LYPD6B: variants seen among roughly 807,000 people sequenced by gnomAD.
LYPD6B encodes LY6/PLAUR domain containing 6B.
Under a neutral mutation model 22.8 loss-of-function variants are expected in LYPD6B, and 17 were observed. The ratio of observed to expected loss-of-function variants is 0.75; its 90% CI spans 0.51 to 1.12. The LOEUF is 1.12. LYPD6B is among the 50% of genes most tolerant of loss of function. The pLI, the probability that LYPD6B is intolerant of heterozygous loss-of-function variation, is 0.00. For synonymous variants in LYPD6B, 106 were observed against 91.6 expected, an observed-to-expected ratio of 1.16 and a Z score of -0.90; for missense variants, 221 against 258.3, an observed-to-expected ratio of 0.86 and a Z score of 0.99.
intron 1 of LYPD6B, among the ~76,000 whole-genome samples, chr2:149,053,900 A>G (rs947012247): frequency 1.3e-5 from 2 of 152,106 alleles, no homozygotes; most frequent in Non-Finnish European, 2.9e-5. Context: ...TTTGAGGTTC[A>G]TAATGGTTTC....
At position 149,214,776 on chromosome 2, in the gene LYPD6B, T is replaced by G. The variant is rs981073122; in HGVS notation, c.*66T>G. On this transcript the variant is annotated 3_prime_UTR_variant, in exon 7 of 7. Coordinates refer to ENST00000409642, the MANE Select transcript of LYPD6B (RefSeq NM_177964.5). Reference sequence around the variant, plus strand: ...CACAAGCCAAAAACTGTGTGAACGGTGAACTTTGGAGTGAAGATCAATCTT... The same window carrying G: ...CACAAGCCAAAAACTGTGTGAACGGGGAACTTTGGAGTGAAGATCAATCTT... 6 of 1,535,668 alleles carry G rather than the reference T, an allele frequency of 3.9e-6. 1 individual carries two copies. Among genetic ancestry groups the G allele is most frequent in the Non-Finnish European group, 5.4e-6 (6 of 1,111,778 alleles).
At chr2:149,117,836 A>G (rs1329543368) in intron 1 of LYPD6B, among the ~76,000 whole-genome samples, 1 of 152,196 alleles carries the variant, frequency 6.6e-6, no homozygotes, top group African/African-American at 2.4e-5. Flanking sequence ...ATCATTTATT[A>G]TCTTTCATGG....
intron 1 of LYPD6B, among the ~76,000 whole-genome samples, chr2:149,130,540 A>ATTAGGCC (rs1489959056): frequency 7.2e-5 from 11 of 152,178 alleles, no homozygotes; most frequent in African/African-American, 2.7e-4. Flanking sequence ...AAAAGAGGGT[A>ATTAGGCC]TTAGGCCTTG....
At chr2:149,062,144 C>T (rs1020181915) in intron 1 of LYPD6B, among the ~76,000 whole-genome samples, 7 of 152,084 alleles carry the variant, frequency 4.6e-5, no homozygotes, top group African/African-American at 7.2e-5. Flanking sequence ...TGTGCCACTA[C>T]GCCAGGCTAA....
At chr2:149,189,342 T>TTATATA (rs770703554) in intron 3 of LYPD6B, among the ~76,000 whole-genome samples, 2,993 of 65,598 alleles carry the variant, frequency 0.046, 104 homozygotes, top group African/African-American at 0.052. Flanking sequence ...TTGTCCAAAA[T>TTATATA]TATATATATA....
At chr2:149,195,552 G>A (rs1461297771) in intron 3 of LYPD6B, among the ~76,000 whole-genome samples, 2 of 152,214 alleles carry the variant, frequency 1.3e-5, no homozygotes, top group Admixed American at 6.5e-5. Flanking sequence ...GCTCTCACAT[G>A]TATGTTAGAG....
At chr2:149,051,888 A>G (rs1683579837) in intron 1 of LYPD6B, among the ~76,000 whole-genome samples, 1 of 151,246 alleles carries the variant, frequency 6.6e-6, no homozygotes, top group Non-Finnish European at 1.5e-5. Flanking sequence ...CTGGTCTGGA[A>G]CTTCTGACCT....
intron 3 of LYPD6B, among the ~76,000 whole-genome samples, chr2:149,169,687 T>C (rs72859023): frequency 6.6e-6 from 1 of 152,062 alleles, no homozygotes; most frequent in African/African-American, 2.4e-5. Flanking sequence ...AGAGGCCAGA[T>C]GGATAGTTCT....
intron 1 of LYPD6B, among the ~76,000 whole-genome samples, chr2:149,044,073 A>C (rs1683203587): frequency 6.6e-6 from 1 of 151,900 alleles, no homozygotes; most frequent in East Asian, 1.9e-4. Flanking sequence ...AGGCCCTCCA[A>C]CTTTATTCTT....
chr2:149,066,480 T>A (rs1172151886), intron 1 of LYPD6B, among the ~76,000 whole-genome samples: 1 of 152,048 alleles, frequency 6.6e-6, no homozygotes, highest in African/African-American at 2.4e-5. Flanking sequence ...TCCAGCTTCA[T>A]CCATGTCCCT....
At chr2:149,100,997 A>G (rs1234914207) in intron 1 of LYPD6B, 4 of 152,198 alleles carry the variant, frequency 2.6e-5, no homozygotes, top group African/African-American at 9.7e-5. Context: ...TGCAGGTCAG[A>G]GCTGTGTCTT....
intron 3 of LYPD6B, among the ~76,000 whole-genome samples, chr2:149,178,218 T>G (rs1233197226): frequency 6.6e-6 from 1 of 152,222 alleles, no homozygotes; most frequent in African/African-American, 2.4e-5. Flanking sequence ...CAATTAGGCT[T>G]CCAGCACAGC....
intron 1 of LYPD6B, among the ~76,000 whole-genome samples, chr2:149,099,138 A>G (rs1256629120): frequency 2.6e-5 from 4 of 152,208 alleles, no homozygotes; most frequent in African/African-American, 9.6e-5. Flanking sequence ...AGAGAGGGAC[A>G]CAGGCACTTG....
At chr2:149,054,434 G>T (rs1354345535) in intron 1 of LYPD6B, among the ~76,000 whole-genome samples, 1 of 152,064 alleles carries the variant, frequency 6.6e-6, no homozygotes, top group Non-Finnish European at 1.5e-5. Context: ...GCCATTTTAA[G>T]ATTTTTTTGT....
chr2:149,162,804 G>A (rs1049221915), intron 3 of LYPD6B, among the ~76,000 whole-genome samples: 13 of 152,036 alleles, frequency 8.6e-5, no homozygotes, highest in Non-Finnish European at 1.3e-4. Context: ...TAACCAAGTC[G>A]TTTCTTGCGC....
At chr2:149,104,329 T>C (rs535108973) in intron 1 of LYPD6B, among the ~76,000 whole-genome samples, 1 of 152,306 alleles carries the variant, frequency 6.6e-6, no homozygotes, top group East Asian at 1.9e-4. Flanking sequence ...CAAACACTGA[T>C]ATGATTTCAT....
chr2:149,067,128 G>A (rs141914896), intron 1 of LYPD6B, among the ~76,000 whole-genome samples: 66 of 152,264 alleles, frequency 4.3e-4, no homozygotes, highest in African/African-American at 1.5e-3. Flanking sequence ...TGTTCCTGCA[G>A]AGGACATGAT....
At chr2:149,169,036 C>T (rs890583398) in intron 3 of LYPD6B, among the ~76,000 whole-genome samples, 1 of 152,110 alleles carries the variant, frequency 6.6e-6, no homozygotes, top group East Asian at 1.9e-4. Context: ...TGTAATTAAA[C>T]TGTATTTTAA....
chr2:149,129,863 G>A (rs1454091495), intron 1 of LYPD6B, among the ~76,000 whole-genome samples: 1 of 152,244 alleles, frequency 6.6e-6, no homozygotes, highest in East Asian at 1.9e-4. Flanking sequence ...AGTATTGGCT[G>A]TTGAATGGAG....
Sources: allele counts gnomAD v4.1 joint callset (sites outside exome capture counted in the v4.1 genomes callset), GRCh38; gene constraint gnomAD v4.1.1; transcripts MANE v1.5; gene names NCBI Gene and HGNC (gene_info 2026-07-23, HGNC 2026-07-21).